The following SNX29 variants were observed in gnomAD, a reference collection of about 807,000 sequenced individuals.
SNX29 encodes sorting nexin 29, also known as sorting nexin-29.
Under a neutral mutation model 102.1 loss-of-function variants are expected in SNX29, and 78 were observed. That is an observed-to-expected ratio of 0.76 (90% CI 0.64 to 0.92). SNX29 has a LOEUF of 0.92. SNX29 is among the 40% of genes least tolerant of loss of function. SNX29 has a pLI of 0.00. For missense variants in SNX29, 1,280 were observed against 1,061.7 expected (o/e 1.21, Z -2.86); for synonymous variants, 580 against 414.5 (o/e 1.40, Z -4.85).
In SNX29 at chr16:12,573,011, TTGC is replaced by T. The variant is rs561744271; in HGVS notation, c.*4385_*4387del. The T allele has an allele frequency of 1.0e-3, 313 of 312,774 alleles. 3 individuals are homozygous for T. Among genetic ancestry groups the T allele is most frequent in the African/African-American group, 5.8e-3 (272 of 46,718 alleles). The allele number at this position is 312,774 out of a possible 1,614,324, so 19.4% of individuals were successfully genotyped here. A position where few individuals can be genotyped will look rare whatever the true frequency, so the allele number is the denominator to read the frequency against. On this transcript the variant is annotated 3_prime_UTR_variant, in exon 21 of 21. Transcript: ENST00000566228. ...ATTCATTAAAGCTACTGTTAAATATTTGCTGTTTTTAGATTGGCGTCCGTGCTA... is the reference window on the plus strand; with the variant it reads ...ATTCATTAAAGCTACTGTTAAATATTTGTTTTTAGATTGGCGTCCGTGCTA...
In SNX29 at chr16:12,459,681, G is replaced by T. The variant is rs1358639483; in HGVS notation, c.2038-18038G>T. Among the ~76,000 whole-genome samples, 3 of 152,206 alleles carry T rather than the reference G, an allele frequency of 2.0e-5. No individual in the cohort carries two copies. In the East Asian group the frequency reaches 5.8e-4, roughly 29 times the overall value. ...GAGAAAGCAAACTTGCAGGGAGGAA[G>T]CAGGATCCCTTGGGTGTGCAGAGGA... On this transcript the variant is annotated intron_variant, in intron 18 of 20. Coordinates refer to ENST00000566228, the MANE Select transcript of SNX29 (RefSeq NM_032167.5).
At chr16:12,537,195 CT>C (rs1469563982) in intron 20 of SNX29, among the ~76,000 whole-genome samples, 1 of 152,176 alleles carries the variant, frequency 6.6e-6, no homozygotes, top group East Asian at 1.9e-4. Context: ...TGGCCAGCCC[CT>C]AAATTGCTGA....
intron 18 of SNX29, among the ~76,000 whole-genome samples, chr16:12,404,507 G>A (rs1305443819): frequency 6.6e-6 from 1 of 151,990 alleles, no homozygotes; most frequent in Non-Finnish European, 1.5e-5. Context: ...GCTGCTTCCT[G>A]CTTCTCCTGT....
chr16:12,093,176 A>T (rs971239081), intron 11 of SNX29, among the ~76,000 whole-genome samples: 2 of 152,238 alleles, frequency 1.3e-5, no homozygotes, highest in African/African-American at 4.8e-5. Context: ...AGCCACTAGA[A>T]TATTAGATAT....
At chr16:12,518,214 AT>A (rs1396582020) in intron 19 of SNX29, among the ~76,000 whole-genome samples, 1 of 152,038 alleles carries the variant, frequency 6.6e-6, no homozygotes, top group East Asian at 1.9e-4. Flanking sequence ...GTCCCCCAGC[AT>A]TGCTTCTCAG....
chr16:12,536,256 C>G (rs1182674847), intron 20 of SNX29, among the ~76,000 whole-genome samples: 1 of 152,076 alleles, frequency 6.6e-6, no homozygotes, highest in Non-Finnish European at 1.5e-5. Context: ...TGCATGAGAA[C>G]TTGCTGTGAC....
chr16:12,403,597 G>T lies in SNX29; in HGVS notation c.2037+68G>T, dbSNP rs2084047944. ...AAACGCCCATTTGTCATGCTGTGGT[G>T]CTTTTTGCCTCTTGGTGGTGGGGCG... is the stretch of plus-strand genomic sequence containing the variant. On this transcript the variant is annotated intron_variant, in intron 18 of 20. Transcript: ENST00000566228. 4.1e-6 allele frequency: 6 copies of T among 1,452,414 alleles called. 1 individual carries two copies. The Admixed American group carries it at 1.2e-4, about 29-fold the overall frequency. The allele number at this position is 1,452,414 out of a possible 1,614,324, so 90.0% of individuals were successfully genotyped here.
At chr16:12,313,021 G>GT (rs35304053) in intron 15 of SNX29, among the ~76,000 whole-genome samples, 64,029 of 145,650 alleles carry the variant, frequency 0.44, 14,885 homozygotes, top group Non-Finnish European at 0.55. Context: ...TTTGTTTTCT[G>GT]TTTTTTTTTT....
At chr16:12,024,263 A>T (rs2057125344) in intron 3 of SNX29, among the ~76,000 whole-genome samples, 2 of 151,730 alleles carry the variant, frequency 1.3e-5, no homozygotes, top group Admixed American at 1.3e-4. Context: ...CTCAGCCTCC[A>T]GAGTAGCTGG....
At chr16:12,424,131 T>C (rs2084968436) in intron 18 of SNX29, among the ~76,000 whole-genome samples, 1 of 152,234 alleles carries the variant, frequency 6.6e-6, no homozygotes, top group African/African-American at 2.4e-5. Context: ...GATGACTTTG[T>C]ACTTTTCAGA....
intron 3 of SNX29, among the ~76,000 whole-genome samples, chr16:12,025,971 C>T (rs1045223978): frequency 3.9e-5 from 6 of 152,112 alleles, no homozygotes; most frequent in African/African-American, 1.4e-4. Context: ...GATAATAGTA[C>T]GTGCCTCATC....
chr16:12,300,917 T>C (rs1360370927), intron 15 of SNX29, among the ~76,000 whole-genome samples: 1 of 152,194 alleles, frequency 6.6e-6, no homozygotes, highest in Non-Finnish European at 1.5e-5. Flanking sequence ...CATTCCGTAC[T>C]CTGCCCTTGG....
At chr16:12,322,664 ACTGGGGACTACCATTAGGACGCGGTCG>A (rs2080977322) in intron 15 of SNX29, among the ~76,000 whole-genome samples, 1 of 152,176 alleles carries the variant, frequency 6.6e-6, no homozygotes, top group Non-Finnish European at 1.5e-5. Flanking sequence ...GGATGCAGTC[ACTGGGGACTACCATTAGGACGCGGTCG>A]CTGGGGACCA....
intron 20 of SNX29, among the ~76,000 whole-genome samples, chr16:12,552,211 G>T (rs191178509): frequency 1.3e-5 from 2 of 152,142 alleles, no homozygotes; most frequent in African/African-American, 4.8e-5. Flanking sequence ...GGGGAGGGCC[G>T]TGGAGTCAGA....
intron 14 of SNX29, among the ~76,000 whole-genome samples, chr16:12,233,309 C>G (rs77662045): frequency 0.03 from 4,576 of 152,266 alleles, 220 homozygotes; most frequent in African/African-American, 0.11. Flanking sequence ...CAGCTGGAGG[C>G]TGTTATCCTA....
intron 19 of SNX29, among the ~76,000 whole-genome samples, chr16:12,495,834 A>G (rs8058035): frequency 0.044 from 6,634 of 152,210 alleles, 325 homozygotes; most frequent in East Asian, 0.23. Context: ...CAGGTGGATC[A>G]CTTGAGGTCA....
chr16:12,429,634 A>G (rs183540175), intron 18 of SNX29, among the ~76,000 whole-genome samples: 2 of 152,230 alleles, frequency 1.3e-5, no homozygotes, highest in Admixed American at 1.3e-4. Flanking sequence ...CACCAAAACC[A>G]TCTCTTGCGG....
intron 13 of SNX29, among the ~76,000 whole-genome samples, chr16:12,144,861 A>G (rs1374999151): frequency 6.6e-6 from 1 of 152,210 alleles, no homozygotes; most frequent in African/African-American, 2.4e-5. Flanking sequence ...AGCTGGGACT[A>G]CAGGCGCCTG....
intron 18 of SNX29, among the ~76,000 whole-genome samples, chr16:12,430,745 C>T (rs1046046875): frequency 1.3e-5 from 2 of 152,048 alleles, no homozygotes; most frequent in African/African-American, 2.4e-5. Flanking sequence ...ATGCTGGAAG[C>T]GGGCTGTAGA....
Sources: allele counts gnomAD v4.1 joint callset (sites outside exome capture counted in the v4.1 genomes callset), GRCh38; gene constraint gnomAD v4.1.1; transcripts MANE v1.5; gene names NCBI Gene and HGNC (gene_info 2026-07-23, HGNC 2026-07-21).